The following GADL1 variants were observed in gnomAD, a reference collection of about 807,000 sequenced individuals.
GADL1 encodes the protein GAD like acidic amino acid decarboxylase 1.
A neutral mutation model predicts 69.5 loss-of-function variants in GADL1; 71 were observed. That is an observed-to-expected ratio of 1.02 (90% CI 0.84 to 1.25). GADL1 has a LOEUF of 1.25. GADL1 is among the 50% of genes most tolerant of loss of function. The probability of loss-of-function intolerance (pLI) is 0.00; values close to 1 mark genes in which losing one functional copy is unlikely to be tolerated. For synonymous variants in GADL1, 254 were observed against 214.4 expected, an observed-to-expected ratio of 1.18 and a Z score of -1.62; for missense variants, 737 against 631.8, an observed-to-expected ratio of 1.17 and a Z score of -1.79.
intron 14 of GADL1, among the ~76,000 whole-genome samples, chr3:30,771,708 C>CT (rs1452185010): frequency 6.6e-6 from 1 of 152,166 alleles, no homozygotes; most frequent in East Asian, 1.9e-4. Context: ...GACACAGGTG[C>CT]TTTTAGTTCA....
intron 14 of GADL1, among the ~76,000 whole-genome samples, chr3:30,752,847 AATT>A (rs1695859345): frequency 7.1e-6 from 1 of 141,742 alleles, no homozygotes; most frequent in South Asian, 2.2e-4. Context: ...TTAACAAGAT[AATT>A]AAGTTCTCAA....
intron 13 of GADL1, among the ~76,000 whole-genome samples, chr3:30,785,530 AGCCACCAC>A (rs756173732): frequency 1.1e-4 from 17 of 151,964 alleles, no homozygotes; most frequent in Non-Finnish European, 2.4e-4. Flanking sequence ...TACAAGCATG[AGCCACCAC>A]GCTCGACTAA....
intron 12 of GADL1, among the ~76,000 whole-genome samples, chr3:30,788,500 T>C (rs1575205889): frequency 6.6e-6 from 1 of 152,190 alleles, no homozygotes; most frequent in East Asian, 1.9e-4. Context: ...TTGATGTTGG[T>C]TGCTGACTGA....
intron 14 of GADL1, among the ~76,000 whole-genome samples, chr3:30,760,826 G>A (rs711681): frequency 0.42 from 64,148 of 151,916 alleles, 13,602 homozygotes; most frequent in Non-Finnish European, 0.44. Context: ...GTGATGATGG[G>A]CAGCCTGTGG....
chr3:30,840,285 A>G (rs1697945453), intron 8 of GADL1, among the ~76,000 whole-genome samples: 1 of 152,158 alleles, frequency 6.6e-6, no homozygotes, highest in Admixed American at 6.5e-5. Context: ...CTCAATGGAA[A>G]GTGGGGCAGA....
At chr3:30,813,132 T>A (rs1697393652) in intron 11 of GADL1, among the ~76,000 whole-genome samples, 1 of 152,116 alleles carries the variant, frequency 6.6e-6, no homozygotes, top group Non-Finnish European at 1.5e-5. Flanking sequence ...AGGCATTCAG[T>A]AGTCATTTGC....
chr3:30,834,616 A>G (rs1293397052), intron 9 of GADL1, among the ~76,000 whole-genome samples: 1 of 152,076 alleles, frequency 6.6e-6, no homozygotes, highest in Non-Finnish European at 1.5e-5. Flanking sequence ...CATCTTCACA[A>G]TGCTAACATT....
intron 14 of GADL1, among the ~76,000 whole-genome samples, chr3:30,751,709 C>T (rs1002475393): frequency 3.3e-5 from 5 of 152,126 alleles, no homozygotes; most frequent in Admixed American, 3.3e-4. Context: ...GTCTCATAGA[C>T]ACGGAGATCT....
chr3:30,813,549 T>C (rs1231871941), intron 11 of GADL1, among the ~76,000 whole-genome samples: 1 of 152,236 alleles, frequency 6.6e-6, no homozygotes, highest in Non-Finnish European at 1.5e-5. Context: ...TGGTTCCTTC[T>C]CAAATAGAAT....
rs1696526254 is a variant in GADL1 at position 30,775,928 on chromosome 3, A to ACAAAAATT, written c.1392+2243_1392+2250dup. Among the ~76,000 whole-genome samples the ACAAAAATT allele has an allele frequency of 6.6e-5, 10 of 152,280 alleles. 1 individual carries two copies. The South Asian group carries it at 2.1e-3, about 32-fold the overall frequency. ...GGTGAAACCCCATCTCGACAAAAAT[A>ACAAAAATT]CAAAAATTCAGCTAAGCATGATGGT... On this transcript the variant is annotated intron_variant, in intron 14 of 14. Transcript: ENST00000282538.
At chr3:30,761,283 C>T (rs1032747665) in intron 14 of GADL1, among the ~76,000 whole-genome samples, 3 of 123,978 alleles carry the variant, frequency 2.4e-5, no homozygotes, top group Non-Finnish European at 5.5e-5. Context: ...ACAGCTAGAG[C>T]CTCTCAGAGC....
chr3:30,791,921 G>A (rs1696929440), intron 12 of GADL1, among the ~76,000 whole-genome samples: 1 of 152,146 alleles, frequency 6.6e-6, no homozygotes, highest in South Asian at 2.1e-4. Context: ...CATGTAAGAT[G>A]TGCCTTTGCT....
intron 2 of GADL1, among the ~76,000 whole-genome samples, chr3:30,857,746 G>A (rs1698252765): frequency 1.3e-5 from 2 of 151,802 alleles, no homozygotes; most frequent in South Asian, 4.2e-4. Context: ...GATATAAAAT[G>A]ATCCTTTACG....
chr3:30,850,588 C>A (rs775114193), intron 5 of GADL1, among the ~76,000 whole-genome samples: 1 of 152,096 alleles, frequency 6.6e-6, no homozygotes, highest in Non-Finnish European at 1.5e-5. Flanking sequence ...AGCATCAAAT[C>A]GATTCATTTG....
intron 11 of GADL1, among the ~76,000 whole-genome samples, chr3:30,829,559 TATCAACTA>T (rs1697750518): frequency 6.6e-6 from 1 of 151,894 alleles, no homozygotes; most frequent in Non-Finnish European, 1.5e-5. Context: ...CAATAGAGCT[TATCAACTA>T]ATCAACTATA....
intron 1 of GADL1, among the ~76,000 whole-genome samples, 187 bp from the exon 2 acceptor site, chr3:30,861,952 T>C (rs763893608): frequency 3.3e-5 from 5 of 152,092 alleles, no homozygotes; most frequent in Admixed American, 6.6e-5. Flanking sequence ...AGGAAAATTT[T>C]ACAAAGAAAG....
chr3:30,742,081 G>A (rs1334996940), intron 14 of GADL1, among the ~76,000 whole-genome samples: 1 of 152,126 alleles, frequency 6.6e-6, no homozygotes. Context: ...GAGTAAAGAC[G>A]CTTCCAGAAT....
intron 11 of GADL1, among the ~76,000 whole-genome samples, chr3:30,816,158 T>C (rs771004962): frequency 2.2e-4 from 33 of 152,154 alleles, no homozygotes; most frequent in Non-Finnish European, 2.9e-4. Context: ...GGCTCCACCA[T>C]TAGAGGAATT....
chr3:30,836,654 A>G (rs1319488864), intron 9 of GADL1, among the ~76,000 whole-genome samples: 1 of 152,096 alleles, frequency 6.6e-6, no homozygotes. Flanking sequence ...GAAGGTAAGA[A>G]TGGAATTGAG....
Sources: gnomAD v4.1 joint callset for allele counts (sites outside exome capture counted in the v4.1 genomes callset) on GRCh38, gnomAD v4.1.1 for gene constraint, MANE v1.5 for transcripts, NCBI Gene and HGNC (gene_info 2026-07-23, HGNC 2026-07-21) for gene names.